The following YME1L1 variants were observed in gnomAD, a reference collection of about 807,000 sequenced individuals.
YME1L1 encodes the protein YME1 like 1 ATPase.
A neutral mutation model predicts 90.4 loss-of-function variants in YME1L1; 39 were observed. That is an observed-to-expected ratio of 0.43 (90% CI 0.33 to 0.56). The LOEUF (loss-of-function observed/expected upper bound fraction) is 0.56, where lower values mean the gene tolerates loss of function less well. Ranked by LOEUF, YME1L1 falls within the 20% of genes least tolerant of loss-of-function variation. YME1L1 has a pLI of 0.03. For missense variants in YME1L1, 617 were observed against 868.4 expected (o/e 0.71, Z 3.64); for synonymous variants, 284 against 287.3 (o/e 0.99, Z 0.12).
intron 4 of YME1L1, among the ~76,000 whole-genome samples, chr10:27,141,942 A>G (rs1045051295): frequency 5.3e-5 from 8 of 152,228 alleles, no homozygotes; most frequent in Non-Finnish European, 1.2e-4. Flanking sequence ...CAAAAATTAT[A>G]TGAATAAATG....
chr10:27,112,404 T>C (rs1366757612), intron 18 of YME1L1, among the ~76,000 whole-genome samples: 1 of 152,130 alleles, frequency 6.6e-6, no homozygotes, highest in East Asian at 1.9e-4. Flanking sequence ...CTCTAAAGCA[T>C]TCCCTCTACT....
chr10:27,153,283 T>A, intron 1 of YME1L1: 1 of 469,788 alleles, frequency 2.1e-6, no homozygotes, highest in South Asian at 1.6e-5. Flanking sequence ...TAGCCAGTAC[T>A]AGCACAAAAA....
intron 1 of YME1L1, among the ~76,000 whole-genome samples, chr10:27,152,430 A>G (rs1014582737): frequency 6.6e-6 from 1 of 152,222 alleles, no homozygotes; most frequent in African/African-American, 2.4e-5. Context: ...GAGAGTCCTC[A>G]CTATATTTGA....
At chr10:27,145,788 G>C (rs1291622896) in intron 2 of YME1L1, 198 bp from the exon 3 acceptor site, 3 of 383,102 alleles carry the variant, frequency 7.8e-6, no homozygotes, top group East Asian at 8.7e-5. Flanking sequence ...GTTTGACATA[G>C]GTTAAAAAAT....
Position 27,120,463 on chromosome 10 carries a change from C to G in YME1L1, c.1383G>C (p.Trp461Cys). The G allele has an allele frequency of 6.2e-7, 1 of 1,613,338 alleles. No individual in the cohort carries two copies. Among genetic ancestry groups the G allele is most frequent in the Non-Finnish European group, 8.5e-7 (1 of 1,179,540 alleles). Reference sequence around the variant, plus strand: ...GATCAAACTTTATTTTATTGAGATACCATTTCAAAATTTCTGTTCGACCTT... The same window carrying G: ...GATCAAACTTTATTTTATTGAGATAGCATTTCAAAATTTCTGTTCGACCTT... Reference protein sequence around the residue: ...DVKGRTEILKWYLNKIKFDQS... With the variant: ...DVKGRTEILKCYLNKIKFDQS... The change falls in exon 13 of 19, where the codon TGG becomes TGC. Residue 461 changes from tryptophan to cysteine, a missense_variant. Around this residue, in one of 4 missense-constraint regions of YME1L1, gnomAD observed 212 missense variants for 330.0 expected, o/e 0.64. Coordinates refer to ENST00000376016, the MANE Select transcript of YME1L1 (RefSeq NM_014263.4).
At position 27,131,533 on chromosome 10, in the gene YME1L1, C is replaced by T. The variant is rs561550834; in HGVS notation, c.858+326G>A. Among the ~76,000 whole-genome samples the T allele has an allele frequency of 5.9e-5, 9 of 152,300 alleles. No individual in the cohort carries two copies. In the South Asian group the frequency reaches 1.7e-3, roughly 28 times the overall value. On this transcript the variant is annotated intron_variant, in intron 8 of 18. Coordinates refer to ENST00000376016, the MANE Select transcript of YME1L1 (RefSeq NM_014263.4). ...ATATCTACTATGTGTCAAGCACATA[C>T]ATTATCTGTCAGGATCTAAAGTAAT... is the stretch of plus-strand genomic sequence containing the variant.
At position 27,121,353 on chromosome 10, in the gene YME1L1, A is replaced by G. The variant is rs1406842265; in HGVS notation, c.1298+33T>C. On this transcript the variant is annotated intron_variant, in intron 12 of 18. Coordinates refer to ENST00000376016, the MANE Select transcript of YME1L1 (RefSeq NM_014263.4). ...TTAGCACAATTTTGTAGCATGTAAC[A>G]GTACTTCACAAAAATCTTCTTTTAA... 4.7e-6 allele frequency: 7 copies of G among 1,474,030 alleles called. No individual in the cohort carries two copies. The South Asian group carries it at 5.7e-5, about 12-fold the overall frequency. 91.3% of individuals were successfully genotyped at this position (1,474,030 alleles called of 1,614,324 possible).
chr10:27,134,621 G>A (rs2057008050), intron 6 of YME1L1, among the ~76,000 whole-genome samples: 1 of 152,200 alleles, frequency 6.6e-6, no homozygotes, highest in Admixed American at 6.5e-5. Flanking sequence ...CCTTTATGAA[G>A]CCATTCACAC....
chr10:27,123,311 A>C (rs992573885), intron 10 of YME1L1, among the ~76,000 whole-genome samples: 1 of 152,082 alleles, frequency 6.6e-6, no homozygotes, highest in Non-Finnish European at 1.5e-5. Flanking sequence ...GTAGCCTCCA[A>C]CTTCATCTTG....
At chr10:27,122,738 G>T in intron 11 of YME1L1, 103 bp downstream of exon 11, 1 of 1,481,056 alleles carries the variant, frequency 6.8e-7, no homozygotes, top group Non-Finnish European at 9.2e-7. Context: ...CATATCTCTA[G>T]ATATGAAATG....
intron 1 of YME1L1, chr10:27,153,129 T>G (rs1174369577): frequency 2.2e-6 from 1 of 462,254 alleles, no homozygotes; most frequent in African/African-American, 2.0e-5. Flanking sequence ...TATTTTTCTG[T>G]ATGCCTGTGA....
At chr10:27,119,191 A>AT in intron 14 of YME1L1, 103 bp downstream of exon 14, 4 of 1,149,440 alleles carry the variant, frequency 3.5e-6, no homozygotes, top group Non-Finnish European at 2.4e-6. Flanking sequence ...GATTAGATTC[A>AT]ACATAGCCAT....
intron 2 of YME1L1, among the ~76,000 whole-genome samples, chr10:27,148,022 G>A (rs763194967): frequency 6.6e-6 from 1 of 152,142 alleles, no homozygotes; most frequent in Non-Finnish European, 1.5e-5. Flanking sequence ...CAGCCCTGGG[G>A]ATGGAGAACT....
In YME1L1 at chr10:27,117,714, T is replaced by A. The variant is rs147198370; in HGVS notation, c.1581A>T (p.Arg527Ser). The change falls in exon 15 of 19, where the codon AGA becomes AGT. Residue 527 changes from arginine (R) to serine (S), a missense_variant. Coordinates refer to ENST00000376016, the MANE Select transcript of YME1L1 (RefSeq NM_014263.4). Reference protein sequence around the residue: ...KDKILMGPERRSVEIDNKNKT... With the variant: ...KDKILMGPERSSVEIDNKNKT... ...TGTTTTTGTTATCAATTTCCACACT[T>A]CTTCTTTCAGGCCCTAAGATAAATT... 2.7e-5 allele frequency: 44 copies of A among 1,613,994 alleles called. No individual in the cohort carries two copies. The highest frequency in any genetic ancestry group is 3.6e-5 in the Non-Finnish European group (43 of 1,179,992).
At chr10:27,117,461 G>A in intron 15 of YME1L1, 115 bp downstream of exon 15, 2 of 1,132,148 alleles carry the variant, frequency 1.8e-6, no homozygotes, top group East Asian at 2.5e-5. Flanking sequence ...CCAGTTACTT[G>A]GGAGGCTGAG....
In YME1L1 at chr10:27,110,765, CA is replaced by C. The variant is rs2056751674; in HGVS notation, c.*1211del. 6.6e-6 allele frequency: 1 copy of C among 152,046 alleles called. No homozygotes were observed. The highest frequency in any genetic ancestry group is 1.5e-5 in the Non-Finnish European group (1 of 68,008). 9.4% of individuals were successfully genotyped at this position (152,046 alleles called of 1,614,324 possible). A position where few individuals can be genotyped will look rare whatever the true frequency, so the allele number is the denominator to read the frequency against. The stretch of plus-strand genomic sequence containing the variant: ...AGAATGAGGTTATGTATTTATTTAA[CA>C]AAATACTGCTTCTCTGAAGTACATT... On this transcript the variant is annotated 3_prime_UTR_variant, in exon 19 of 19. Transcript: ENST00000376016.
chr10:27,124,908 G>A (rs1424605203), intron 9 of YME1L1, among the ~76,000 whole-genome samples: 1 of 152,078 alleles, frequency 6.6e-6, no homozygotes, highest in Non-Finnish European at 1.5e-5. Context: ...CATCACTTGG[G>A]TCCTTTCTAG....
At chr10:27,126,456 A>G (rs2056920637) in intron 9 of YME1L1, among the ~76,000 whole-genome samples, 1 of 152,086 alleles carries the variant, frequency 6.6e-6, no homozygotes, top group African/African-American at 2.4e-5. Flanking sequence ...GGTAAAGGGT[A>G]TGAGGAGCAT....
chr10:27,131,986 A>T (rs765926153), intron 7 of YME1L1, 45 bp from the exon 8 acceptor site: 1 of 1,497,208 alleles, frequency 6.7e-7, no homozygotes, highest in East Asian at 2.3e-5. Flanking sequence ...GATTAATAAC[A>T]TTCCAATCAC....
Sources: allele counts gnomAD v4.1 joint callset (sites outside exome capture counted in the v4.1 genomes callset), GRCh38; gene constraint gnomAD v4.1.1; regional missense constraint gnomAD v4.1.1; transcripts MANE v1.5; gene names NCBI Gene and HGNC (gene_info 2026-07-23, HGNC 2026-07-21).